TTC34: variants seen among roughly 807,000 people sequenced by gnomAD.
The protein encoded by TTC34 is tetratricopeptide repeat domain 34, also known as tetratricopeptide repeat protein 34.
A neutral mutation model predicts 40.7 loss-of-function variants in TTC34; 44 were observed. The ratio of observed to expected loss-of-function variants is 1.08; its 90% CI spans 0.85 to 1.39. The LOEUF is 1.39. TTC34 is among the 40% of genes most tolerant of loss of function. TTC34 has a pLI of 0.00. For missense variants in TTC34, 884 were observed against 838.0 expected (o/e 1.05, Z -0.68); for synonymous variants, 422 against 398.6 (o/e 1.06, Z -0.70).
At chr1:2,686,711 CA>C (rs1640368931) in intron 6 of TTC34, among the ~76,000 whole-genome samples, 1 of 143,464 alleles carries the variant, frequency 7.0e-6, no homozygotes, top group South Asian at 2.2e-4. Flanking sequence ...CAGCCTGGAA[CA>C]GCACACACAC....
intron 6 of TTC34, among the ~76,000 whole-genome samples, chr1:2,773,093 C>T (rs573854638): frequency 1.2e-4 from 18 of 151,038 alleles, no homozygotes; most frequent in South Asian, 2.1e-4. Flanking sequence ...GAGCAGCACC[C>T]ACACCCCCAG....
chr1:2,662,891 ATC>A (rs1639603669), intron 6 of TTC34, among the ~76,000 whole-genome samples: 1 of 21,318 alleles, frequency 4.7e-5, no homozygotes, highest in East Asian at 5.7e-4. Context: ...CCAGGTGAGA[ATC>A]TGACAGCCTG....
intron 6 of TTC34, among the ~76,000 whole-genome samples, chr1:2,750,702 C>A (rs1360037470): frequency 4.3e-5 from 3 of 69,384 alleles, no homozygotes; most frequent in African/African-American, 1.4e-4. Context: ...AGTGAGCATC[C>A]GACAGCCTGG....
Position 2,694,613 on chromosome 1 carries a change from A to T in TTC34, c.2227-49050T>A, listed in dbSNP as rs1192086875. On this transcript the variant is annotated intron_variant, in intron 6 of 8. Coordinates refer to ENST00000401095, the Ensembl canonical transcript of TTC34. Reference sequence around the variant, plus strand: ...CACCCACAGGCGAGCATCTGAAACCACGGAGCAGCACCCACACCTCCCGGC... The same window carrying T: ...CACCCACAGGCGAGCATCTGAAACCTCGGAGCAGCACCCACACCTCCCGGC... 1.4e-3 allele frequency among the ~76,000 whole-genome samples: 29 copies of T among 20,262 alleles called. 4 individuals are homozygous for T. Among genetic ancestry groups the T allele is most frequent in the Admixed American group, 8.3e-3 (15 of 1,816 alleles). 13.3% of individuals were successfully genotyped at this position (20,262 alleles called of 152,430 possible).
intron 6 of TTC34, among the ~76,000 whole-genome samples, chr1:2,769,598 G>T (rs1419741450): frequency 1.7e-5 from 2 of 120,108 alleles, no homozygotes; most frequent in South Asian, 2.9e-4. Context: ...ACCTCCAGGG[G>T]GAGCATCTGA....
intron 6 of TTC34, among the ~76,000 whole-genome samples, chr1:2,683,102 C>T (rs1200883444): frequency 1.0e-4 from 15 of 144,520 alleles, no homozygotes; most frequent in African/African-American, 3.8e-4. Flanking sequence ...CCTGGAGCAG[C>T]ATCCACACCC....
intron 6 of TTC34, among the ~76,000 whole-genome samples, chr1:2,683,767 T>G: frequency 6.8e-6 from 1 of 147,972 alleles, no homozygotes; most frequent in African/African-American, 2.6e-5. Context: ...CAGGTGAGCA[T>G]CTGACAGGCT....
chr1:2,694,540 G>A lies in TTC34; in HGVS notation c.2227-48977C>T, dbSNP rs1253568235. The stretch of plus-strand genomic sequence containing the variant: ...GGTGAACATCCGACATCGTGGAGTA[G>A]CACCCCACACCCACAGGTGAGCATC... On this transcript the variant is annotated intron_variant, in intron 6 of 8. Coordinates refer to ENST00000401095, the Ensembl canonical transcript of TTC34. Among the ~76,000 whole-genome samples, 8 of 100,896 alleles carry A rather than the reference G, an allele frequency of 7.9e-5. 1 individual carries two copies. In the East Asian group the frequency reaches 2.2e-3, roughly 28 times the overall value. The allele number at this position is 100,896 out of a possible 152,430, so 66.2% of individuals were successfully genotyped here.
chr1:2,655,466 A>G (rs1285261757), intron 6 of TTC34, among the ~76,000 whole-genome samples: 2 of 147,056 alleles, frequency 1.4e-5, no homozygotes, highest in African/African-American at 5.0e-5. Flanking sequence ...CCAGGTGAGC[A>G]TCTGATATCC....
At chr1:2,760,526 C>T (rs1410292373) in intron 6 of TTC34, among the ~76,000 whole-genome samples, 1 of 50,310 alleles carries the variant, frequency 2.0e-5, no homozygotes, top group Non-Finnish European at 3.1e-5. Context: ...CACCCACACC[C>T]CCAGGTGAGC....
At chr1:2,685,514 C>G (rs1163496300) in intron 6 of TTC34, among the ~76,000 whole-genome samples, 1 of 125,324 alleles carries the variant, frequency 8.0e-6, no homozygotes, top group Non-Finnish European at 1.6e-5. Context: ...GAGCAGCACC[C>G]ACAGACCAAG....
chr1:2,687,212 C>G (rs1429994594), intron 6 of TTC34, among the ~76,000 whole-genome samples: 3 of 123,502 alleles, frequency 2.4e-5, no homozygotes, highest in Admixed American at 1.6e-4. Flanking sequence ...CACCTCCCGG[C>G]GAGCATCCGA....
At position 2,687,188 on chromosome 1, in the gene TTC34, C is replaced by A. The variant is rs1343209586; in HGVS notation, c.2227-41625G>T. 5.0e-5 allele frequency among the ~76,000 whole-genome samples: 5 copies of A among 100,428 alleles called. No individual in the cohort carries two copies. In the East Asian group the frequency reaches 1.4e-3, roughly 27 times the overall value. The allele number at this position is 100,428 out of a possible 152,430, so 65.9% of individuals were successfully genotyped here. A position where few individuals can be genotyped will look rare whatever the true frequency, so the allele number is the denominator to read the frequency against. ...ACACACAGGCGAGCATCTGAACCCACGGAGCAGCACCCACACCTCCCGGCG... is the reference window on the plus strand; with the variant it reads ...ACACACAGGCGAGCATCTGAACCCAAGGAGCAGCACCCACACCTCCCGGCG... On this transcript the variant is annotated intron_variant, in intron 6 of 8. Coordinates refer to ENST00000401095, the Ensembl canonical transcript of TTC34.
chr1:2,688,358 C>T (rs542619445), intron 6 of TTC34, among the ~76,000 whole-genome samples: 1 of 149,676 alleles, frequency 6.7e-6, no homozygotes, highest in Non-Finnish European at 1.5e-5. Context: ...CAGCCTGGAG[C>T]AGCACCCACA....
At chr1:2,767,439 C>G (rs1641802252) in intron 6 of TTC34, among the ~76,000 whole-genome samples, 2 of 147,154 alleles carry the variant, frequency 1.4e-5, no homozygotes, top group Admixed American at 1.4e-4. Flanking sequence ...ATGGCATCCT[C>G]ACCTCCAGGT....
In TTC34 at chr1:2,691,988, CA is replaced by C. The variant is rs1263846056; in HGVS notation, c.2227-46426del. Among the ~76,000 whole-genome samples, 29 of 83,564 alleles carry C rather than the reference CA, an allele frequency of 3.5e-4. 6 individuals carry two copies. The Admixed American group carries it at 3.9e-3, about 11-fold the overall frequency. 54.8% of individuals were successfully genotyped at this position (83,564 alleles called of 152,430 possible). A position where few individuals can be genotyped will look rare whatever the true frequency, so the allele number is the denominator to read the frequency against. On this transcript the variant is annotated intron_variant, in intron 6 of 8. Transcript: ENST00000401095. ...CAGACTGGAACAGCTCCCACACCCC[CA>C]GGCGAGCATCTGACAGCATGTATCA...
In TTC34 at chr1:2,645,384, C is replaced by G. The variant is rs1444675188; in HGVS notation, c.2406G>C (p.Gln802His). The G allele has an allele frequency of 6.5e-7, 1 of 1,535,578 alleles. No homozygotes were observed. Among genetic ancestry groups the G allele is most frequent in the South Asian group, 1.2e-5 (1 of 84,008 alleles). The stretch of plus-strand genomic sequence containing the variant: ...GCGCCTCCCCCACAGCAAGGAGGCC[C>G]TGGGTGTCCTTGTCCTCGAGAGGGG... Residue 802 changes from glutamine to histidine, a missense_variant, in exon 7 of 9, where the codon CAG becomes CAC. By Grantham distance (24) the Gln-to-His change is conservative. Coordinates refer to ENST00000401095, the Ensembl canonical transcript of TTC34. The surrounding 1 kb of genome is among the most constrained non-coding windows in gnomAD (Gnocchi z 4.7).
chr1:2,673,384 C>T lies in TTC34; in HGVS notation c.2227-27821G>A, dbSNP rs1359895290. Among the ~76,000 whole-genome samples, 55 of 69,648 alleles carry T rather than the reference C, an allele frequency of 7.9e-4. 5 individuals are homozygous for T. The highest frequency in any genetic ancestry group is 7.6e-3 in the Admixed American group (53 of 7,006). The allele number at this position is 69,648 out of a possible 152,430, so 45.7% of individuals were successfully genotyped here. A position where few individuals can be genotyped will look rare whatever the true frequency, so the allele number is the denominator to read the frequency against. Reference sequence around the variant, plus strand: ...CAGGCGAGCATCTGAGGGCCTGGGTCGGCACCCACACCCCCAGGTGAGCAT... The same window carrying T: ...CAGGCGAGCATCTGAGGGCCTGGGTTGGCACCCACACCCCCAGGTGAGCAT... On this transcript the variant is annotated intron_variant, in intron 6 of 8. Coordinates refer to ENST00000401095, the Ensembl canonical transcript of TTC34.
intron 6 of TTC34, among the ~76,000 whole-genome samples, chr1:2,652,464 A>G (rs1639176658): frequency 6.6e-6 from 1 of 151,706 alleles, no homozygotes. Flanking sequence ...AGCATCCGAC[A>G]GCCTGGAGCA....
Sources: allele counts gnomAD v4.1 joint callset (sites outside exome capture counted in the v4.1 genomes callset), GRCh38; gene constraint gnomAD v4.1.1; non-coding constraint Gnocchi (gnomAD v3.1); transcripts MANE v1.5; gene names NCBI Gene and HGNC (gene_info 2026-07-23, HGNC 2026-07-21).